The following ACYP2 variants were observed in gnomAD, a reference collection of about 807,000 sequenced individuals.
The protein encoded by ACYP2 is acylphosphatase-2.
ACYP2 carries 12 observed loss-of-function variants against 11.2 expected under a neutral mutation model. That is an observed-to-expected ratio of 1.08 (90% CI 0.69 to 1.74). ACYP2 has a LOEUF of 1.74. ACYP2 is among the 40% of genes most tolerant of loss of function. ACYP2 has a pLI of 0.00. For synonymous variants in ACYP2, 43 were observed against 32.2 expected, an observed-to-expected ratio of 1.33 and a Z score of -1.13; for missense variants, 134 against 101.9, an observed-to-expected ratio of 1.31 and a Z score of -1.35.
At chr2:54,288,750 C>A (rs1021361476) in intron 6 of ACYP2, among the ~76,000 whole-genome samples, 2 of 152,110 alleles carry the variant, frequency 1.3e-5, no homozygotes, top group Non-Finnish European at 2.9e-5. Flanking sequence ...CCACAGAAAG[C>A]TGCTAACTAG....
chr2:54,269,586 G>C (rs1433132482), intron 6 of ACYP2, among the ~76,000 whole-genome samples: 1 of 152,178 alleles, frequency 6.6e-6, no homozygotes, highest in African/African-American at 2.4e-5. Flanking sequence ...AAATGTGAGT[G>C]TTCTCTGTAA....
chr2:54,108,879 A>T (rs1253873666), intron 4 of ACYP2, among the ~76,000 whole-genome samples: 2 of 152,192 alleles, frequency 1.3e-5, no homozygotes, highest in Non-Finnish European at 2.9e-5. Context: ...ATTTTCCTTT[A>T]CTTTTCCTTA....
intron 2 of ACYP2, among the ~76,000 whole-genome samples, chr2:53,999,298 G>T (rs1212241480): frequency 6.6e-6 from 1 of 152,128 alleles, no homozygotes; most frequent in Non-Finnish European, 1.5e-5. Context: ...GAGATGTCAT[G>T]AGAGCAACAA....
chr2:54,144,405 G>A (rs1053391781), intron 6 of ACYP2, among the ~76,000 whole-genome samples: 16 of 152,124 alleles, frequency 1.1e-4, no homozygotes, highest in Non-Finnish European at 1.8e-4. Context: ...GGCCGGTGCG[G>A]TGGCTCACGC....
rs1375561174 is a variant in ACYP2, at chr2:54,074,062, G to A, written c.277+16702G>A. On this transcript the variant is annotated intron_variant, in intron 4 of 6. Transcript: ENST00000607452. ...ACCTAAAAGAAATGAAAACAAGGCC[G>A]GATGCAGTGACTCATACCTGTAATC... Among the ~76,000 whole-genome samples the A allele has an allele frequency of 5.9e-5, 9 of 152,208 alleles. No homozygotes were observed. The South Asian group carries it at 6.2e-4, about 11-fold the overall frequency.
At chr2:54,138,258 T>C (rs1681380390) in intron 5 of ACYP2, among the ~76,000 whole-genome samples, 1 of 152,196 alleles carries the variant, frequency 6.6e-6, no homozygotes, top group Non-Finnish European at 1.5e-5. Context: ...TGATTGAGAA[T>C]CTTGGATTGA....
rs116085836 is a variant in ACYP2 at position 53,978,939 on chromosome 2, G to T, written c.62+5129G>T. Among the ~76,000 whole-genome samples, 228 of 151,380 alleles carry T rather than the reference G, an allele frequency of 1.5e-3. 1 individual carries two copies. Among genetic ancestry groups the T allele is most frequent in the African/African-American group, 5.3e-3 (219 of 41,292 alleles). ...CCTCATCTCAAACTTAAAAAAAAGA[G>T]TATAGCATATACACTCATACAGCAC... On this transcript the variant is annotated intron_variant, in intron 2 of 6. Coordinates refer to ENST00000607452, the MANE Select transcript of ACYP2 (RefSeq NM_001320586.2).
intron 4 of ACYP2, among the ~76,000 whole-genome samples, chr2:54,111,494 G>T (rs995882681): frequency 3.4e-5 from 3 of 89,242 alleles, no homozygotes; most frequent in East Asian, 2.0e-4. Flanking sequence ...AAGAAAAATT[G>T]GTTCAAACCT....
chr2:54,292,845 C>G (rs184100695), intron 6 of ACYP2, among the ~76,000 whole-genome samples: 15 of 152,292 alleles, frequency 9.8e-5, no homozygotes, highest in Admixed American at 9.8e-4. Context: ...AACATTTATA[C>G]TTTAGCAGTC....
intron 6 of ACYP2, among the ~76,000 whole-genome samples, chr2:54,159,121 G>A (rs770879373): frequency 7.4e-4 from 112 of 151,752 alleles, no homozygotes; most frequent in Non-Finnish European, 1.5e-3. Flanking sequence ...TTGGCCCTTC[G>A]TCTGTGGCAG....
intron 6 of ACYP2, among the ~76,000 whole-genome samples, chr2:54,292,618 A>G (rs1456586122): frequency 5.3e-5 from 8 of 151,946 alleles, no homozygotes; most frequent in African/African-American, 1.5e-4. Context: ...CCAGTTTTGC[A>G]TCTATTAACC....
chr2:54,274,664 A>C (rs1688469239), intron 6 of ACYP2, among the ~76,000 whole-genome samples: 1 of 150,966 alleles, frequency 6.6e-6, no homozygotes, highest in South Asian at 2.1e-4. Flanking sequence ...GTTCTCTGAA[A>C]CTAAAAGAAA....
At chr2:54,237,501 C>T (rs1686539739) in intron 6 of ACYP2, among the ~76,000 whole-genome samples, 2 of 152,040 alleles carry the variant, frequency 1.3e-5, no homozygotes, top group Non-Finnish European at 2.9e-5. Context: ...TTTTTCTCTA[C>T]TTCATTATTG....
At chr2:54,191,122 A>G (rs918546714) in intron 6 of ACYP2, among the ~76,000 whole-genome samples, 1 of 151,988 alleles carries the variant, frequency 6.6e-6, no homozygotes, top group African/African-American at 2.4e-5. Context: ...CAGTAGCTGT[A>G]AGACTCAGCT....
intron 2 of ACYP2, among the ~76,000 whole-genome samples, chr2:53,993,194 T>G (rs998995831): frequency 2.6e-5 from 4 of 151,514 alleles, no homozygotes; most frequent in Non-Finnish European, 2.9e-5. Context: ...CGACAGAGGT[T>G]GACAAGAAAA....
chr2:54,064,685 G>T (rs538324423), intron 4 of ACYP2, among the ~76,000 whole-genome samples: 1 of 152,242 alleles, frequency 6.6e-6, no homozygotes, highest in South Asian at 2.1e-4. Context: ...AAGTACAAAG[G>T]GAAGACATTT....
chr2:54,114,207 A>C (rs1679611456), intron 4 of ACYP2, among the ~76,000 whole-genome samples: 1 of 152,194 alleles, frequency 6.6e-6, no homozygotes, highest in Non-Finnish European at 1.5e-5. Flanking sequence ...GCAAATTCTC[A>C]CAAGTAAACA....
At chr2:54,028,182 A>G (rs895213368) in intron 2 of ACYP2, among the ~76,000 whole-genome samples, 11 of 151,960 alleles carry the variant, frequency 7.2e-5, no homozygotes, top group African/African-American at 2.4e-4. Flanking sequence ...TGGCTATGGC[A>G]ATTTCTCAGA....
chr2:54,093,667 G>A (rs771162852), intron 4 of ACYP2, among the ~76,000 whole-genome samples: 3 of 152,212 alleles, frequency 2.0e-5, no homozygotes, highest in Non-Finnish European at 4.4e-5. Flanking sequence ...TTGGCCGGGC[G>A]TGGTGGCTCA....
Sources: allele counts gnomAD v4.1 joint callset (sites outside exome capture counted in the v4.1 genomes callset), GRCh38; gene constraint gnomAD v4.1.1; transcripts MANE v1.5; gene names NCBI Gene and HGNC (gene_info 2026-07-23, HGNC 2026-07-21).